Variants in TENM2 observed in about 807,000 individuals in gnomAD.
TENM2 encodes teneurin transmembrane protein 2.
Under a neutral mutation model 245.2 loss-of-function variants are expected in TENM2, and 52 were observed. The observed-to-expected ratio is 0.21, with a 90% CI of 0.17 to 0.27. The LOEUF is 0.27. TENM2 is among the 10% of genes least tolerant of loss of function. The pLI, the probability that TENM2 is intolerant of heterozygous loss-of-function variation, is 1.00. For missense variants in TENM2, 3,046 were observed against 3,666.8 expected, an observed-to-expected ratio of 0.83 and a Z score of 4.37; for synonymous variants, 1,363 against 1,438.9, an observed-to-expected ratio of 0.95 and a Z score of 1.19.
At chr5:167,324,600 A>G (rs972055871) in intron 1 of TENM2, among the ~76,000 whole-genome samples, 9 of 152,132 alleles carry the variant, frequency 5.9e-5, no homozygotes, top group African/African-American at 2.2e-4. Flanking sequence ...AAATCGAACC[A>G]GGTAGTTGAA....
chr5:167,083,326 G>C, the TENM2 span, among the ~76,000 whole-genome samples: 6 of 152,028 alleles, frequency 3.9e-5, no homozygotes, highest in Non-Finnish European at 8.8e-5. Flanking sequence ...CTGTGCTCTG[G>C]GAAGACAACC....
intron 2 of TENM2, among the ~76,000 whole-genome samples, chr5:167,587,917 G>A (rs1775613700): frequency 6.6e-6 from 1 of 152,070 alleles, no homozygotes; most frequent in Non-Finnish European, 1.5e-5. Context: ...CATGTGGTTT[G>A]CAAAGGTCTG....
chr5:167,267,781 A>C, the TENM2 span, among the ~76,000 whole-genome samples: 1 of 152,196 alleles, frequency 6.6e-6, no homozygotes, highest in Admixed American at 6.5e-5. Context: ...CAGGGATGCA[A>C]GTACATAATT....
At chr5:167,159,728 G>A in the TENM2 span, among the ~76,000 whole-genome samples, 2 of 152,006 alleles carry the variant, frequency 1.3e-5, no homozygotes, top group African/African-American at 2.4e-5. Flanking sequence ...TTCTGGCCCC[G>A]CCCACAAGAG....
the TENM2 span, among the ~76,000 whole-genome samples, chr5:167,054,296 G>A: frequency 6.6e-6 from 1 of 152,136 alleles, no homozygotes; most frequent in Non-Finnish European, 1.5e-5. Context: ...CATATGTGCT[G>A]TTAAAGATGG....
At chr5:167,039,391 T>C in the TENM2 span, among the ~76,000 whole-genome samples, 1 of 152,294 alleles carries the variant, frequency 6.6e-6, no homozygotes, top group South Asian at 2.1e-4. Flanking sequence ...TTCTAGGTAT[T>C]GATAGGGTGT....
At chr5:167,155,979 C>G in the TENM2 span, among the ~76,000 whole-genome samples, 1 of 152,188 alleles carries the variant, frequency 6.6e-6, no homozygotes, top group Non-Finnish European at 1.5e-5. Flanking sequence ...CTGGGTACAG[C>G]TATAGCAAAG....
intron 2 of TENM2, among the ~76,000 whole-genome samples, chr5:167,815,869 A>G (rs556711315): frequency 3.3e-5 from 5 of 152,118 alleles, no homozygotes; most frequent in African/African-American, 1.2e-4. Context: ...GTGAGCCCCT[A>G]CATGACACTG....
chr5:167,844,234 A>C (rs557580923), intron 2 of TENM2, among the ~76,000 whole-genome samples: 1 of 152,338 alleles, frequency 6.6e-6, no homozygotes, highest in African/African-American at 2.4e-5. Context: ...ACAGTGTTTT[A>C]TTTAAACAAG....
At chr5:168,161,198 A>G (rs1194773526) in intron 12 of TENM2, among the ~76,000 whole-genome samples, 2 of 152,212 alleles carry the variant, frequency 1.3e-5, no homozygotes, top group African/African-American at 4.8e-5. Flanking sequence ...GAAGGTTTCA[A>G]ATCAATTACC....
the TENM2 span, among the ~76,000 whole-genome samples, chr5:166,987,298 G>A: frequency 6.6e-6 from 1 of 152,076 alleles, no homozygotes; most frequent in African/African-American, 2.4e-5. Flanking sequence ...ACACAGTTTG[G>A]GGAGGGGGGA....
At chr5:167,035,720 A>C in the TENM2 span, among the ~76,000 whole-genome samples, 1 of 152,164 alleles carries the variant, frequency 6.6e-6, no homozygotes, top group African/African-American at 2.4e-5. Flanking sequence ...GCCAGCAAGC[A>C]CATGATGAAT....
chr5:168,156,685 C>T (rs1757214985), intron 12 of TENM2, among the ~76,000 whole-genome samples: 1 of 152,126 alleles, frequency 6.6e-6, no homozygotes, highest in African/African-American at 2.4e-5. Context: ...AGGCAAAAAG[C>T]CTGCCTAGCT....
At chr5:167,546,670 C>T (rs1389825482) in intron 2 of TENM2, among the ~76,000 whole-genome samples, 2 of 152,042 alleles carry the variant, frequency 1.3e-5, no homozygotes, top group African/African-American at 2.4e-5. Flanking sequence ...ATTTAGGTGT[C>T]CTACGGAGAG....
intron 1 of TENM2, among the ~76,000 whole-genome samples, chr5:167,293,447 T>C (rs1754770158): frequency 6.6e-6 from 1 of 150,772 alleles, no homozygotes; most frequent in Admixed American, 6.6e-5. Flanking sequence ...CTCAAACTCC[T>C]GATCTTAGGT....
the TENM2 span, among the ~76,000 whole-genome samples, chr5:167,212,324 G>A: frequency 5.3e-5 from 8 of 152,122 alleles, no homozygotes; most frequent in South Asian, 1.0e-3. Context: ...ACCTTTCTCT[G>A]GGTCCCTGTT....
the TENM2 span, among the ~76,000 whole-genome samples, chr5:167,157,953 C>G: frequency 6.6e-6 from 1 of 152,138 alleles, no homozygotes; most frequent in Non-Finnish European, 1.5e-5. Flanking sequence ...AGCAGAAAAC[C>G]TGACAGCATT....
rs1562333085 is a variant in TENM2 at position 168,247,441 on chromosome 5, T to A, written c.6502T>A (p.Phe2168Ile). The A allele has an allele frequency of 1.9e-6, 3 of 1,613,762 alleles. No individual in the cohort carries two copies. The highest frequency in any genetic ancestry group is 2.5e-6 in the Non-Finnish European group (3 of 1,179,734). The change falls in exon 27 of 29, where the codon TTC (phenylalanine) becomes ATC (isoleucine). Residue 2168 changes from phenylalanine to isoleucine, a missense_variant. This residue lies in a region of TENM2 where 2,704 missense variants were observed against 3,331.9 expected (regional missense o/e 0.81). Transcript: ENST00000518659. This position sits in a 1 kb window ranked among gnomAD's most constrained non-coding sequence, Gnocchi z 7.8. ...GATCAAGGAGGTCCAGTATGAGATG[T>A]TCCGGTCCCTCATGTACTGGATGAC... is the stretch of plus-strand genomic sequence containing the variant.
intron 2 of TENM2, among the ~76,000 whole-genome samples, chr5:167,618,110 A>G (rs1470337660): frequency 6.6e-6 from 1 of 152,180 alleles, no homozygotes; most frequent in Non-Finnish European, 1.5e-5. Context: ...ATGGGAATCA[A>G]AGCCATCAGC....
Sources: allele counts gnomAD v4.1 joint callset (sites outside exome capture counted in the v4.1 genomes callset), GRCh38; gene constraint gnomAD v4.1.1; regional missense constraint gnomAD v4.1.1; non-coding constraint Gnocchi (gnomAD v3.1); transcripts MANE v1.5; gene names NCBI Gene and HGNC (gene_info 2026-07-23, HGNC 2026-07-21).